C22orf39: variants seen among roughly 807,000 people sequenced by gnomAD.
The protein encoded by C22orf39 is synaptic plasticity regulator PANTS.
C22orf39 carries 20 observed loss-of-function variants against 18.3 expected under a neutral mutation model. The observed-to-expected ratio is 1.09, with a 90% CI of 0.77 to 1.59. The LOEUF (loss-of-function observed/expected upper bound fraction) is 1.59. Ranked by LOEUF, C22orf39 falls within the 40% of genes most tolerant of loss-of-function variation. C22orf39 has a pLI of 0.00. For synonymous variants in C22orf39, 63 were observed against 59.6 expected, an observed-to-expected ratio of 1.06 and a Z score of -0.26; for missense variants, 195 against 156.1, an observed-to-expected ratio of 1.25 and a Z score of -1.33.
chr22:19,446,896 C>A (rs1254529181), intron 2 of C22orf39, among the ~76,000 whole-genome samples: 1 of 152,138 alleles, frequency 6.6e-6, no homozygotes, highest in Non-Finnish European at 1.5e-5. Context: ...AGATATAAAT[C>A]GAATTATGCC....
At position 19,441,720 on chromosome 22, in the gene C22orf39, G is replaced by C. The variant is rs2089613715; in HGVS notation, c.*2545C>G. ...CTGTCCAAAAAGTTTGAAAGATATT[G>C]CTCTTATTACAGTATTTGTTTTCTT... On this transcript the variant is annotated 3_prime_UTR_variant, in exon 3 of 3. Transcript: ENST00000399562. 1 of 1,548,356 alleles carries C rather than the reference G, an allele frequency of 6.5e-7. No homozygotes were observed. The highest frequency in any genetic ancestry group is 1.4e-5 in the African/African-American group (1 of 72,810).
intron 2 of C22orf39, among the ~76,000 whole-genome samples, chr22:19,446,225 C>T (rs2089638547): frequency 6.6e-6 from 1 of 152,176 alleles, no homozygotes; most frequent in African/African-American, 2.4e-5. Flanking sequence ...TTTATACACA[C>T]ACACGCACAT....
Position 19,443,743 on chromosome 22 carries a change from G to A in C22orf39, c.*522C>T, listed in dbSNP as rs2089625612. 2 of 984,874 alleles carry A rather than the reference G, an allele frequency of 2.0e-6. No homozygotes were observed. The highest frequency in any genetic ancestry group is 5.2e-4 in the Middle Eastern group (1 of 1,936). The allele number at this position is 984,874 out of a possible 1,614,324, so 61.0% of individuals were successfully genotyped here. On this transcript the variant is annotated 3_prime_UTR_variant, in exon 3 of 3. Transcript: ENST00000399562. ...GGGGCCAGCAAGCCCTACCTGCTCG[G>A]CACACCTGCCTGCATGTGCAGTGGA...
Position 19,443,989 on chromosome 22 carries a change from C to T in C22orf39, c.*276G>A. On this transcript the variant is annotated 3_prime_UTR_variant, in exon 3 of 3. Coordinates refer to ENST00000399562, the MANE Select transcript of C22orf39 (RefSeq NM_173793.5). ...CATCTCCTATGCTACCATGCCCAGC[C>T]TGACCTGGCTGCTCACAAGTACCTG... 1 of 1,190,536 alleles carries T rather than the reference C, an allele frequency of 8.4e-7. No homozygotes were observed. Among genetic ancestry groups the T allele is most frequent in the African/African-American group, 1.6e-5 (1 of 62,770 alleles). 73.7% of individuals were successfully genotyped at this position (1,190,536 alleles called of 1,614,324 possible). A position where few individuals can be genotyped will look rare whatever the true frequency, so the allele number is the denominator to read the frequency against.
At chr22:19,445,195 T>C (rs1399197529) in intron 2 of C22orf39, among the ~76,000 whole-genome samples, 2 of 152,352 alleles carry the variant, frequency 1.3e-5, no homozygotes, top group African/African-American at 4.8e-5. Flanking sequence ...TTCCCTGATA[T>C]CTTTTTTTGG....
chr22:19,444,451 T>C, intron 2 of C22orf39, 61 bp from the exon 3 acceptor site: 1 of 1,528,900 alleles, frequency 6.5e-7, no homozygotes, highest in Non-Finnish European at 8.8e-7. Context: ...CCCCTGTACC[T>C]CCCCCCTCTC....
In C22orf39 at chr22:19,443,517, C is replaced by T. The variant is rs1260950469; in HGVS notation, c.*748G>A. On this transcript the variant is annotated 3_prime_UTR_variant, in exon 3 of 3. Coordinates refer to ENST00000399562, the MANE Select transcript of C22orf39 (RefSeq NM_173793.5). ...TTCTATTTGAAATCAGATGAAATAG[C>T]TTTTGATACATTAACCACCAGGGGA... 1.0e-6 allele frequency: 1 copy of T among 985,622 alleles called. No individual in the cohort carries two copies. The highest frequency in any genetic ancestry group is 1.2e-6 in the Non-Finnish European group (1 of 829,916). 61.1% of individuals were successfully genotyped at this position (985,622 alleles called of 1,614,324 possible). A position where few individuals can be genotyped will look rare whatever the true frequency, so the allele number is the denominator to read the frequency against.
At chr22:19,447,111 G>T (rs758947364) in intron 2 of C22orf39, among the ~76,000 whole-genome samples, 3 of 152,108 alleles carry the variant, frequency 2.0e-5, no homozygotes, top group Non-Finnish European at 4.4e-5. Flanking sequence ...TAGGCCAGCT[G>T]ATGACCCTAA....
chr22:19,447,631 C>T, intron 1 of C22orf39, 34 bp downstream of exon 1: 1 of 1,606,318 alleles, frequency 6.2e-7, no homozygotes, highest in Non-Finnish European at 8.5e-7. Context: ...CCGGAAGACC[C>T]CGGTGGTTCC....
chr22:19,447,395 G>C lies in C22orf39; in HGVS notation c.175C>G (p.Arg59Gly). The C allele has an allele frequency of 1.3e-6, 2 of 1,503,316 alleles. No homozygotes were observed. The highest frequency in any genetic ancestry group is 2.7e-5 in the East Asian group (1 of 37,066). 93.1% of individuals were successfully genotyped at this position (1,503,316 alleles called of 1,614,324 possible). The change falls in exon 2 of 3, where the codon CGG becomes GGG. Residue 59 changes from arginine to glycine, a missense_variant. Transcript: ENST00000399562. ...CGGCGCACCTGGGCCTCGGCGTTCCGGCGCTCCTCCCAGTCGCGGCAGCTG... is the reference window on the plus strand; with the variant it reads ...CGGCGCACCTGGGCCTCGGCGTTCCCGCGCTCCTCCCAGTCGCGGCAGCTG... ...LASCRDWEERRNAEAQQSLCE... is the reference protein window; with the variant it reads ...LASCRDWEERGNAEAQQSLCE...
intron 2 of C22orf39, among the ~76,000 whole-genome samples, chr22:19,445,548 A>G (rs1242253862): frequency 6.6e-6 from 1 of 152,362 alleles, no homozygotes; most frequent in East Asian, 1.9e-4. Flanking sequence ...TGACATTTAC[A>G]TAATCAGAAC....
In C22orf39 at chr22:19,447,448, G is replaced by A. The variant is rs1249440400; in HGVS notation, c.122C>T (p.Ala41Val). ...HHYYVHGERP[A>V]CEQWQRDLAS... is the part of the protein sequence containing the mutation. The stretch of plus-strand genomic sequence containing the variant: ...CAGGTCGCGCTGCCACTGTTCGCAG[G>A]CCGGCCGCTCGCCGTGGACGTAGTA... Residue 41 changes from alanine (A) to valine (V), a missense_variant, in exon 2 of 3, where the codon GCC (alanine) becomes GTC (valine). By Grantham distance (64) the Ala-to-Val change is moderately conservative. Transcript: ENST00000399562. 3 of 1,513,032 alleles carry A rather than the reference G, an allele frequency of 2.0e-6. No homozygotes were observed. The highest frequency in any genetic ancestry group is 2.7e-5 in the East Asian group (1 of 37,588). The allele number at this position is 1,513,032 out of a possible 1,614,324, so 93.7% of individuals were successfully genotyped here.
chr22:19,444,452 C>G (rs1366710987), intron 2 of C22orf39, 62 bp from the exon 3 acceptor site: 1 of 1,529,038 alleles, frequency 6.5e-7, no homozygotes, highest in Non-Finnish European at 8.8e-7. Context: ...CCCTGTACCT[C>G]CCCCCTCTCA....
In C22orf39 at chr22:19,444,243, A is replaced by G. The variant is rs1021039040; in HGVS notation, c.*22T>C. ...TTGAAACAGACTGAGGAAGCTGCAC[A>G]GGCCAATGGCAGGGATGCTTGTCAC... is the stretch of plus-strand genomic sequence containing the variant. On this transcript the variant is annotated 3_prime_UTR_variant, in exon 3 of 3. Coordinates refer to ENST00000399562, the MANE Select transcript of C22orf39 (RefSeq NM_173793.5). 6.4e-7 allele frequency: 1 copy of G among 1,562,846 alleles called. No individual in the cohort carries two copies. The highest frequency in any genetic ancestry group is 2.4e-5 in the East Asian group (1 of 42,458).
intron 2 of C22orf39, among the ~76,000 whole-genome samples, chr22:19,446,790 ACTC>A (rs2089642532): frequency 6.6e-6 from 1 of 151,454 alleles, no homozygotes; most frequent in South Asian, 2.1e-4. Context: ...GCAGCTTTGA[ACTC>A]CTGGGCTTAG....
Position 19,443,983 on chromosome 22 carries a change from C to G in C22orf39, c.*282G>C. ...GACCGCCATCTCCTATGCTACCATG[C>G]CCAGCCTGACCTGGCTGCTCACAAG... On this transcript the variant is annotated 3_prime_UTR_variant, in exon 3 of 3. Transcript: ENST00000399562. 1 of 1,175,804 alleles carries G rather than the reference C, an allele frequency of 8.5e-7. No individual in the cohort carries two copies. Among genetic ancestry groups the G allele is most frequent in the Non-Finnish European group, 1.1e-6 (1 of 951,402 alleles). The allele number at this position is 1,175,804 out of a possible 1,614,324, so 72.8% of individuals were successfully genotyped here.
Position 19,443,522 on chromosome 22 carries a change from G to C in C22orf39, c.*743C>G. ...TTTGAAATCAGATGAAATAGCTTTT[G>C]ATACATTAACCACCAGGGGAAATTT... On this transcript the variant is annotated 3_prime_UTR_variant, in exon 3 of 3. Coordinates refer to ENST00000399562, the MANE Select transcript of C22orf39 (RefSeq NM_173793.5). The C allele has an allele frequency of 1.0e-6, 1 of 985,782 alleles. No homozygotes were observed. Among genetic ancestry groups the C allele is most frequent in the Non-Finnish European group, 1.2e-6 (1 of 829,910 alleles). 61.1% of individuals were successfully genotyped at this position (985,782 alleles called of 1,614,324 possible). A position where few individuals can be genotyped will look rare whatever the true frequency, so the allele number is the denominator to read the frequency against.
Position 19,441,714 on chromosome 22 carries a change from GATATTGCTCTT to G in C22orf39, c.*2540_*2550del, listed in dbSNP as rs1443574268. 5.2e-6 allele frequency: 8 copies of G among 1,549,042 alleles called. No homozygotes were observed. The East Asian group carries it at 2.0e-4, about 38-fold the overall frequency. On this transcript the variant is annotated 3_prime_UTR_variant, in exon 3 of 3. Coordinates refer to ENST00000399562, the MANE Select transcript of C22orf39 (RefSeq NM_173793.5). Reference sequence around the variant, plus strand: ...TAGCACCTGTCCAAAAAGTTTGAAAGATATTGCTCTTATTACAGTATTTGTTTTCTTCATAC... The same window carrying G: ...TAGCACCTGTCCAAAAAGTTTGAAAGATTACAGTATTTGTTTTCTTCATAC...
chr22:19,444,583 AT>A (rs1266931005), intron 2 of C22orf39, among the ~76,000 whole-genome samples, 193 bp from the exon 3 acceptor site: 2 of 152,032 alleles, frequency 1.3e-5, no homozygotes, highest in African/African-American at 4.8e-5. Flanking sequence ...GATGGAGATC[AT>A]TTTTTTTCTC....
Sources: allele counts gnomAD v4.1 joint callset (sites outside exome capture counted in the v4.1 genomes callset), GRCh38; gene constraint gnomAD v4.1.1; transcripts MANE v1.5; gene names NCBI Gene and HGNC (gene_info 2026-07-23, HGNC 2026-07-21).